LCK: variants seen among roughly 807,000 people sequenced by gnomAD.
LCK encodes tyrosine-protein kinase Lck.
A neutral mutation model predicts 64.6 loss-of-function variants in LCK; 14 were observed. That is an observed-to-expected ratio of 0.22 (90% CI 0.14 to 0.34). LCK has a LOEUF of 0.34. Among genes scored for constraint, LCK ranks in the 10% least tolerant of loss-of-function variants. The pLI, the probability that LCK is intolerant of heterozygous loss-of-function variation, is 1.00. For missense variants in LCK, 434 were observed against 668.1 expected, an observed-to-expected ratio of 0.65 and a Z score of 3.86; for synonymous variants, 277 against 263.6, an observed-to-expected ratio of 1.05 and a Z score of -0.49.
chr1:32,256,813 G>A (rs1297498457), intron 1 of LCK, among the ~76,000 whole-genome samples: 2 of 152,198 alleles, frequency 1.3e-5, no homozygotes, highest in Non-Finnish European at 2.9e-5. Flanking sequence ...GTGTGTAAGT[G>A]ATTTTAGGGG....
intron 1 of LCK, among the ~76,000 whole-genome samples, chr1:32,261,215 G>T (rs1639759520): frequency 6.7e-6 from 1 of 149,356 alleles, no homozygotes; most frequent in Non-Finnish European, 1.5e-5. Flanking sequence ...ACAGGCAAAT[G>T]CCATCACGCC....
rs778448252 is a variant in LCK, at chr1:32,276,436, C to A, written c.731C>A (p.Thr244Lys). ...GACGAGTGGGAGGTTCCCAGGGAGA[C>A]GCTGAAGCTGGTGGAGCGGCTGGGG... is the stretch of plus-strand genomic sequence containing the variant. Reference protein sequence around the residue: ...WEDEWEVPRETLKLVERLGAG... With the variant: ...WEDEWEVPREKLKLVERLGAG... The change falls in exon 8 of 13, where the codon ACG (threonine) becomes AAG (lysine). Residue 244 changes from threonine (T) to lysine (K), a missense_variant. By Grantham distance (78) the Thr-to-Lys change is moderately conservative. Coordinates refer to ENST00000336890, the MANE Select transcript of LCK (RefSeq NM_005356.5). The surrounding 1 kb of genome is among the most constrained non-coding windows in gnomAD (Gnocchi z 4.6). 1 of 1,612,894 alleles carries A rather than the reference C, an allele frequency of 6.2e-7. No individual in the cohort carries two copies. Among genetic ancestry groups the A allele is most frequent in the East Asian group, 2.2e-5 (1 of 44,874 alleles).
chr1:32,272,081 C>T (rs1206763940), intron 1 of LCK, among the ~76,000 whole-genome samples: 3 of 151,748 alleles, frequency 2.0e-5, no homozygotes, highest in African/African-American at 4.8e-5. Flanking sequence ...GCCAGGAGTT[C>T]GAGACCAGCC....
At chr1:32,280,969 C>A (rs939276855) in intron 12 of LCK, among the ~76,000 whole-genome samples, 1 of 152,126 alleles carries the variant, frequency 6.6e-6, no homozygotes, top group African/African-American at 2.4e-5. Context: ...AGGCCAGGTA[C>A]AGTGGCTTAT....
intron 11 of LCK, 30 bp from the exon 12 acceptor site, chr1:32,280,049 C>A: frequency 6.2e-7 from 1 of 1,613,958 alleles, no homozygotes; most frequent in East Asian, 2.2e-5. Context: ...CCAAGCAGAC[C>A]CAGGTGACCT....
chr1:32,276,903 CTT>C lies in LCK; in HGVS notation c.964+119_964+120del. 1 of 1,123,928 alleles carries C rather than the reference CTT, an allele frequency of 8.9e-7. No homozygotes were observed. Among genetic ancestry groups the C allele is most frequent in the Non-Finnish European group, 1.2e-6 (1 of 824,488 alleles). 69.6% of individuals were successfully genotyped at this position (1,123,928 alleles called of 1,614,324 possible). A position where few individuals can be genotyped will look rare whatever the true frequency, so the allele number is the denominator to read the frequency against. On this transcript the variant is annotated intron_variant, in intron 9 of 12. Coordinates refer to ENST00000336890, the MANE Select transcript of LCK (RefSeq NM_005356.5). The surrounding 1 kb of genome is among the most constrained non-coding windows in gnomAD (Gnocchi z 4.6). ...GCTCAAGCAAGGAGGGTTTCTTGAG[CTT>C]TCCTGCCCCCTGGAGACTCACCTCC...
At position 32,276,088 on chromosome 1, in the gene LCK, C is replaced by G. The variant is rs369325216; in HGVS notation, c.631+25C>G. ...AGTGAGCCCGACGGGACCCCTCCCC[C>G]GTGCCCTATCAGCCTATCTCCCCTC... On this transcript the variant is annotated intron_variant, in intron 7 of 12. Coordinates refer to ENST00000336890, the MANE Select transcript of LCK (RefSeq NM_005356.5). This position sits in a 1 kb window ranked among gnomAD's most constrained non-coding sequence, Gnocchi z 4.6. The G allele has an allele frequency of 6.2e-7, 1 of 1,612,996 alleles. No individual in the cohort carries two copies. Among genetic ancestry groups the G allele is most frequent in the Admixed American group, 1.7e-5 (1 of 59,990 alleles).
Position 32,285,591 on chromosome 1 carries a change from C to T in LCK, c.1405C>T (p.Leu469=). 1 of 1,614,224 alleles carries T rather than the reference C, an allele frequency of 6.2e-7. No homozygotes were observed. The highest frequency in any genetic ancestry group is 8.5e-7 in the Non-Finnish European group (1 of 1,180,046). The part of the protein sequence containing the change: ...MVRPDNCPEE[L]YQLMRLCWKE... Reference sequence around the variant, plus strand: ...GCGCCCTGACAACTGTCCAGAGGAGCTGTACCAACTCATGAGGCTGTGCTG... The same window carrying T: ...GCGCCCTGACAACTGTCCAGAGGAGTTGTACCAACTCATGAGGCTGTGCTG... The change falls in exon 13 of 13, where the codon CTG becomes TTG. Residue 469 remains leucine (L), a synonymous_variant. Coordinates refer to ENST00000336890, the MANE Select transcript of LCK (RefSeq NM_005356.5).
chr1:32,263,048 A>T (rs1248564912), intron 1 of LCK, among the ~76,000 whole-genome samples: 1 of 152,122 alleles, frequency 6.6e-6, no homozygotes, highest in Non-Finnish European at 1.5e-5. Context: ...TAATGTTCTC[A>T]GTCAAACTTA....
Position 32,251,982 on chromosome 1 carries a change from T to C in LCK, c.-6+611T>C, listed in dbSNP as rs1276076464. On this transcript the variant is annotated intron_variant, in intron 1 of 12. Coordinates refer to ENST00000336890, the MANE Select transcript of LCK (RefSeq NM_005356.5). This position sits in a 1 kb window ranked among gnomAD's most constrained non-coding sequence, Gnocchi z 4.0. ...CCAGATGGACATGCGAGGAGTGATT[T>C]TAGCCTCAGCGATCGAGGGAAGAAT... Among the ~76,000 whole-genome samples the C allele has an allele frequency of 6.6e-6, 1 of 151,730 alleles. No individual in the cohort carries two copies. The highest frequency in any genetic ancestry group is 6.6e-5 in the Admixed American group (1 of 15,226).
chr1:32,280,592 A>T (rs1369467145), intron 12 of LCK, among the ~76,000 whole-genome samples: 1 of 151,084 alleles, frequency 6.6e-6, no homozygotes, highest in East Asian at 1.9e-4. Context: ...AATAGCTAGG[A>T]TTACAGGTAC....
In LCK at chr1:32,285,817, C is replaced by T; in HGVS notation, c.*101C>T. On this transcript the variant is annotated 3_prime_UTR_variant, in exon 13 of 13. Coordinates refer to ENST00000336890, the MANE Select transcript of LCK (RefSeq NM_005356.5). ...GTCACATGGCCTATGCACATATGGA[C>T]TCTGCACATGAATCCCACCCACATG... 1 of 1,251,544 alleles carries T rather than the reference C, an allele frequency of 8.0e-7. No individual in the cohort carries two copies. Among genetic ancestry groups the T allele is most frequent in the Non-Finnish European group, 1.1e-6 (1 of 888,628 alleles). The allele number at this position is 1,251,544 out of a possible 1,614,324, so 77.5% of individuals were successfully genotyped here. A position where few individuals can be genotyped will look rare whatever the true frequency, so the allele number is the denominator to read the frequency against.
rs1037159198 is a variant in LCK at position 32,285,450 on chromosome 1, C to T, written c.1328-64C>T. On this transcript the variant is annotated intron_variant, in intron 12 of 12. Coordinates refer to ENST00000336890, the MANE Select transcript of LCK (RefSeq NM_005356.5). ...CACTGTGCCAGTTAAATATTCCGAA[C>T]ATTACCCTTGCCTGTGGGCTTCCAG... 18 of 1,436,622 alleles carry T rather than the reference C, an allele frequency of 1.3e-5. No homozygotes were observed. The Admixed American group carries it at 1.3e-4, about 11-fold the overall frequency. The allele number at this position is 1,436,622 out of a possible 1,614,324, so 89.0% of individuals were successfully genotyped here. A position where few individuals can be genotyped will look rare whatever the true frequency, so the allele number is the denominator to read the frequency against.
chr1:32,254,915 G>A (rs536770051), intron 1 of LCK, among the ~76,000 whole-genome samples: 6 of 152,268 alleles, frequency 3.9e-5, no homozygotes, highest in Non-Finnish European at 7.4e-5. Flanking sequence ...TTGGGGGGCC[G>A]TGATGGGAGG....
chr1:32,275,837 GC>G lies in LCK; in HGVS notation c.482-74del. 6.4e-7 allele frequency: 1 copy of G among 1,560,034 alleles called. No individual in the cohort carries two copies. Among genetic ancestry groups the G allele is most frequent in the Middle Eastern group, 1.9e-4 (1 of 5,326 alleles). Reference sequence around the variant, plus strand: ...ACCCGGAGTTGGGGGTGCTGGGTGAGCCCAAGGTGGGGGCGCGGTGGCGGGC... The same window carrying G: ...ACCCGGAGTTGGGGGTGCTGGGTGAGCCAAGGTGGGGGCGCGGTGGCGGGC... On this transcript the variant is annotated intron_variant, in intron 6 of 12. Coordinates refer to ENST00000336890, the MANE Select transcript of LCK (RefSeq NM_005356.5). The surrounding 1 kb of genome is among the most constrained non-coding windows in gnomAD (Gnocchi z 6.9).
At chr1:32,280,274 A>G in intron 12 of LCK, 64 bp downstream of exon 12, 1 of 1,594,298 alleles carries the variant, frequency 6.3e-7, no homozygotes, top group African/African-American at 1.3e-5. Context: ...TTCCCATTCA[A>G]TTCTTTCCAG....
chr1:32,285,662 T>C lies in LCK; in HGVS notation c.1476T>C (p.Ser492=). 6.2e-7 allele frequency: 1 copy of C among 1,613,864 alleles called. No individual in the cohort carries two copies. The highest frequency in any genetic ancestry group is 8.5e-7 in the Non-Finnish European group (1 of 1,179,914). ...EDRPTFDYLR[S]VLEDFFTATE... Reference sequence around the variant, plus strand: ...GGCCCACCTTTGACTACCTGCGCAGTGTGCTGGAGGACTTCTTCACGGCCA... The same window carrying C: ...GGCCCACCTTTGACTACCTGCGCAGCGTGCTGGAGGACTTCTTCACGGCCA... Residue 492 remains serine (S), a synonymous_variant, in exon 13 of 13, where the codon AGT becomes AGC. Coordinates refer to ENST00000336890, the MANE Select transcript of LCK (RefSeq NM_005356.5).
chr1:32,260,083 C>T (rs1289754530), intron 1 of LCK, among the ~76,000 whole-genome samples: 2 of 151,564 alleles, frequency 1.3e-5, no homozygotes, highest in African/African-American at 2.4e-5. Flanking sequence ...CTTGCTCTGT[C>T]GCCACGCTGG....
In LCK at chr1:32,275,110, C is replaced by A. The variant is rs993933791; in HGVS notation, c.278+27C>A. 1 of 1,584,380 alleles carries A rather than the reference C, an allele frequency of 6.3e-7. No individual in the cohort carries two copies. Among genetic ancestry groups the A allele is most frequent in the Non-Finnish European group, 8.6e-7 (1 of 1,157,394 alleles). ...TGAGTCCCTCTCCACCTTGCTCTGG[C>A]GGAGTCCGTGAGGGAGCGGCGATCT... On this transcript the variant is annotated intron_variant, in intron 4 of 12. Transcript: ENST00000336890. The surrounding 1 kb of genome is among the most constrained non-coding windows in gnomAD (Gnocchi z 6.9).
Sources: gnomAD v4.1 joint callset for allele counts (sites outside exome capture counted in the v4.1 genomes callset) on GRCh38, gnomAD v4.1.1 for gene constraint, Gnocchi (gnomAD v3.1) non-coding constraint, MANE v1.5 for transcripts, NCBI Gene and HGNC (gene_info 2026-07-23, HGNC 2026-07-21) for gene names.